The following TMEM131L variants were observed in gnomAD, a reference collection of about 807,000 sequenced individuals.
TMEM131L encodes the protein transmembrane protein 131-like.
TMEM131L carries 54 observed loss-of-function variants against 192.2 expected under a neutral mutation model. The observed-to-expected ratio is 0.28, with a 90% CI of 0.23 to 0.35. TMEM131L has a LOEUF of 0.35. TMEM131L is among the 10% of genes least tolerant of loss of function. The pLI is 1.00. For synonymous variants in TMEM131L, 701 were observed against 704.9 expected, an observed-to-expected ratio of 0.99 and a Z score of 0.09; for missense variants, 1,888 against 1,972.9, an observed-to-expected ratio of 0.96 and a Z score of 0.82.
chr4:153,583,500 AT>A, intron 10 of TMEM131L, 63 bp from the exon 11 acceptor site: 1 of 1,131,180 alleles, frequency 8.8e-7, no homozygotes. Flanking sequence ...CTAACGGTTC[AT>A]TCAAACTGGA....
intron 3 of TMEM131L, among the ~76,000 whole-genome samples, chr4:153,503,786 C>G (rs139949922): frequency 1.3e-5 from 2 of 152,168 alleles, no homozygotes; most frequent in East Asian, 1.9e-4. Context: ...TAAAAGTACT[C>G]TAAAAGTGAT....
chr4:153,621,433 G>C (rs540272666), intron 27 of TMEM131L, among the ~76,000 whole-genome samples: 1 of 152,132 alleles, frequency 6.6e-6, no homozygotes, highest in Non-Finnish European at 1.5e-5. Flanking sequence ...TCCAGAATTC[G>C]AACCCAGGCA....
At chr4:153,491,502 T>A (rs1732777162) in intron 3 of TMEM131L, among the ~76,000 whole-genome samples, 1 of 152,208 alleles carries the variant, frequency 6.6e-6, no homozygotes, top group African/African-American at 2.4e-5. Context: ...CTGTAATCAT[T>A]CATATGGTAA....
At chr4:153,608,967 A>G (rs1732430681) in intron 25 of TMEM131L, among the ~76,000 whole-genome samples, 1 of 151,880 alleles carries the variant, frequency 6.6e-6, no homozygotes, top group African/African-American at 2.4e-5. Flanking sequence ...TAACATGTGC[A>G]CCTCCCAACG....
chr4:153,619,506 A>C (rs114583672), intron 26 of TMEM131L, among the ~76,000 whole-genome samples: 1 of 152,252 alleles, frequency 6.6e-6, no homozygotes, highest in African/African-American at 2.4e-5. Flanking sequence ...AGGTTAATAC[A>C]TACTTATTGG....
At chr4:153,611,279 A>G (rs948930474) in intron 25 of TMEM131L, among the ~76,000 whole-genome samples, 2 of 152,168 alleles carry the variant, frequency 1.3e-5, no homozygotes, top group African/African-American at 2.4e-5. Context: ...CATCTTTACA[A>G]CTGTCAAACA....
At chr4:153,592,408 G>C in intron 17 of TMEM131L, 67 bp from the exon 18 acceptor site, 9 of 1,036,132 alleles carry the variant, frequency 8.7e-6, no homozygotes, top group Non-Finnish European at 1.2e-5. Flanking sequence ...ATGCTTTTTG[G>C]CCAGAATATC....
intron 3 of TMEM131L, among the ~76,000 whole-genome samples, chr4:153,529,596 A>G (rs1735742639): frequency 6.6e-6 from 1 of 152,266 alleles, no homozygotes; most frequent in Non-Finnish European, 1.5e-5. Flanking sequence ...AAGCACAAAT[A>G]TAACACCAAA....
Position 153,602,221 on chromosome 4 carries a change from C to T in TMEM131L, c.2336C>T (p.Pro779Leu). 6.2e-7 allele frequency: 1 copy of T among 1,613,032 alleles called. No homozygotes were observed. The highest frequency in any genetic ancestry group is 8.5e-7 in the Non-Finnish European group (1 of 1,179,374). ...NFKVENIGPLPITVSSLKING... is the reference protein window; with the variant it reads ...NFKVENIGPLLITVSSLKING... ...AAAGTTGAGAATATTGGACCTCTTC[C>T]TATAACTGTTTCGTCTCTGAAAATT... Residue 779 changes from proline to leucine, a missense_variant, in exon 22 of 35, where the codon CCT (proline) becomes CTT (leucine). Pro to Leu is a moderately conservative substitution (Grantham distance 98). Transcript: ENST00000409959.
rs190592402 is a variant in TMEM131L, at chr4:153,591,081, G to C, written c.1699G>C (p.Ala567Pro). ...GAATGTTTTGGGAACAACTCGATTT[G>C]CTCACTTGAAGAAATCCAAGGAGTC... ...KRNVLGTTRFAHLKKSKESES... is the reference protein window; with the variant it reads ...KRNVLGTTRFPHLKKSKESES... Residue 567 changes from alanine to proline, a missense_variant, in exon 17 of 35, where the codon GCT (alanine) becomes CCT (proline). Transcript: ENST00000409959. 14 of 1,597,074 alleles carry C rather than the reference G, an allele frequency of 8.8e-6. No individual in the cohort carries two copies. Among genetic ancestry groups the C allele is most frequent in the Non-Finnish European group, 1.2e-5 (14 of 1,170,022 alleles).
chr4:153,536,718 A>G (rs531835994), intron 3 of TMEM131L, among the ~76,000 whole-genome samples: 3 of 150,942 alleles, frequency 2.0e-5, no homozygotes, highest in Non-Finnish European at 4.4e-5. Flanking sequence ...CTGTCTATCT[A>G]TCTCCCTCCC....
intron 7 of TMEM131L, among the ~76,000 whole-genome samples, chr4:153,560,011 C>T (rs938374818): frequency 1.3e-5 from 2 of 152,066 alleles, no homozygotes; most frequent in African/African-American, 4.8e-5. Flanking sequence ...TCTCAACCTC[C>T]ACCTCCAATT....
At chr4:153,562,903 GATGA>G (rs1275258036) in intron 7 of TMEM131L, among the ~76,000 whole-genome samples, 1 of 152,228 alleles carries the variant, frequency 6.6e-6, no homozygotes, top group Non-Finnish European at 1.5e-5. Context: ...CTGAGACTAA[GATGA>G]TAGTAGTAAT....
chr4:153,480,079 C>T lies in TMEM131L; in HGVS notation c.239+6191C>T, dbSNP rs190533640. ...AATAGGCTGGGCGCGGTGGCTCACGCGTGTAATCCCAGCACTTTGGGAGGC... is the reference window on the plus strand; with the variant it reads ...AATAGGCTGGGCGCGGTGGCTCACGTGTGTAATCCCAGCACTTTGGGAGGC... On this transcript the variant is annotated intron_variant, in intron 3 of 34. Coordinates refer to ENST00000409959, the MANE Select transcript of TMEM131L (RefSeq NM_001131007.2). Among the ~76,000 whole-genome samples the T allele has an allele frequency of 1.1e-3, 171 of 152,332 alleles. 1 individual carries two copies. The highest frequency in any genetic ancestry group is 3.4e-3 in the African/African-American group (142 of 41,584).
In TMEM131L at chr4:153,620,702, T is replaced by C. The variant is rs546599181; in HGVS notation, c.3568-54T>C. On this transcript the variant is annotated intron_variant, in intron 26 of 34. Coordinates refer to ENST00000409959, the MANE Select transcript of TMEM131L (RefSeq NM_001131007.2). Reference sequence around the variant, plus strand: ...GAGTTGGTCTTCAAACATTTAAACATGTTTTTATTCATATTTAGTTTAAAC... The same window carrying C: ...GAGTTGGTCTTCAAACATTTAAACACGTTTTTATTCATATTTAGTTTAAAC... The C allele has an allele frequency of 2.7e-5, 32 of 1,201,618 alleles. No homozygotes were observed. In the South Asian group the frequency reaches 4.3e-4, roughly 16 times the overall value. The allele number at this position is 1,201,618 out of a possible 1,614,324, so 74.4% of individuals were successfully genotyped here.
intron 20 of TMEM131L, among the ~76,000 whole-genome samples, chr4:153,597,474 C>A (rs560412061): frequency 1.1e-3 from 175 of 152,196 alleles, no homozygotes; most frequent in African/African-American, 4.0e-3. Flanking sequence ...ATTGCCCCAG[C>A]ACTTAAAGGT....
At chr4:153,520,494 CT>C (rs1258072442) in intron 3 of TMEM131L, among the ~76,000 whole-genome samples, 17 of 152,122 alleles carry the variant, frequency 1.1e-4, no homozygotes. Flanking sequence ...TAAATAAAAA[CT>C]CAAAAGCTGG....
chr4:153,601,037 A>G (rs1032811560), intron 21 of TMEM131L, among the ~76,000 whole-genome samples: 1 of 151,678 alleles, frequency 6.6e-6, no homozygotes, highest in Non-Finnish European at 1.5e-5. Flanking sequence ...TTGAAACTGG[A>G]AGGTAGAGTT....
intron 3 of TMEM131L, among the ~76,000 whole-genome samples, chr4:153,506,861 A>AG (rs1333724722): frequency 6.7e-6 from 1 of 149,342 alleles, no homozygotes; most frequent in Non-Finnish European, 1.5e-5. Context: ...AAAAAAAAAA[A>AG]GAAGAAAGAA....
Sources: gnomAD v4.1 joint callset for allele counts (sites outside exome capture counted in the v4.1 genomes callset) on GRCh38, gnomAD v4.1.1 for gene constraint, MANE v1.5 for transcripts, NCBI Gene and HGNC (gene_info 2026-07-23, HGNC 2026-07-21) for gene names.